PTPRD: variants seen among roughly 807,000 people sequenced by gnomAD.
The protein encoded by PTPRD is receptor-type tyrosine-protein phosphatase delta.
PTPRD carries 34 observed loss-of-function variants against 214.5 expected under a neutral mutation model. The ratio of observed to expected loss-of-function variants is 0.16; its 90% confidence interval spans 0.12 to 0.21. PTPRD has a LOEUF of 0.21. PTPRD is among the 10% of genes least tolerant of loss of function. PTPRD has a pLI of 1.00. For missense variants in PTPRD, 2,545 were observed against 2,398.7 expected (o/e 1.06, Z -1.27); for synonymous variants, 1,128 against 845.7 (o/e 1.33, Z -5.79).
At chr9:10,393,135 T>G (rs1223686873) in intron 2 of PTPRD, among the ~76,000 whole-genome samples, 3 of 151,870 alleles carry the variant, frequency 2.0e-5, no homozygotes, top group Non-Finnish European at 4.4e-5. Context: ...CACTAAAAAT[T>G]TGTCTATCTT....
chr9:10,468,677 G>A (rs1680791587), intron 2 of PTPRD, among the ~76,000 whole-genome samples: 1 of 152,008 alleles, frequency 6.6e-6, no homozygotes, highest in African/African-American at 2.4e-5. Context: ...AAGGAAGTCA[G>A]AGGGAAAGGC....
intron 23 of PTPRD, among the ~76,000 whole-genome samples, chr9:8,503,508 A>G (rs1009105929): frequency 1.3e-5 from 2 of 152,220 alleles, no homozygotes; most frequent in African/African-American, 4.8e-5. Flanking sequence ...ATAAGCCACC[A>G]AACTTTCCAC....
chr9:8,564,654 C>G (rs564250452), intron 14 of PTPRD, among the ~76,000 whole-genome samples: 1 of 152,102 alleles, frequency 6.6e-6, no homozygotes, highest in African/African-American at 2.4e-5. Context: ...GAGCCAAGAT[C>G]GTGCCACTGT....
rs553542052 is a variant in PTPRD, at chr9:10,522,453, C to T, written c.-600+89945G>A. Reference sequence around the variant, plus strand: ...TTTTATTTTTTAAGACCTCTCACCACATGGTGTAATTTCCAAAAGCTTGAA... The same window carrying T: ...TTTTATTTTTTAAGACCTCTCACCATATGGTGTAATTTCCAAAAGCTTGAA... On this transcript the variant is annotated intron_variant, in intron 2 of 45. Transcript: ENST00000381196. Among the ~76,000 whole-genome samples, 22 of 152,264 alleles carry T rather than the reference C, an allele frequency of 1.4e-4. No individual in the cohort carries two copies. In the South Asian group the frequency reaches 4.6e-3, roughly 32 times the overall value.
chr9:8,376,456 G>A, intron 38 of PTPRD, 151 bp downstream of exon 38: 2 of 1,152,914 alleles, frequency 1.7e-6, no homozygotes, highest in East Asian at 5.1e-5. Context: ...GAAGAAAAAT[G>A]GCTGAGTGAT....
At chr9:10,205,252 C>T (rs934023448) in intron 3 of PTPRD, among the ~76,000 whole-genome samples, 1 of 151,248 alleles carries the variant, frequency 6.6e-6, no homozygotes, top group Admixed American at 6.6e-5. Flanking sequence ...GCAAAAAATA[C>T]AACAAAAACT....
At chr9:8,813,926 G>A (rs1292186639) in intron 11 of PTPRD, among the ~76,000 whole-genome samples, 1 of 152,168 alleles carries the variant, frequency 6.6e-6, no homozygotes, top group Non-Finnish European at 1.5e-5. Context: ...GTCTGAGTTA[G>A]TTATTTCTCT....
At chr9:9,660,131 T>C (rs16930002) in intron 7 of PTPRD, among the ~76,000 whole-genome samples, 2,041 of 152,166 alleles carry the variant, frequency 0.013, 48 homozygotes, top group African/African-American at 0.047. Flanking sequence ...AACAGTATTT[T>C]TGCACTTCAA....
chr9:9,570,035 G>GA (rs994508901), intron 8 of PTPRD, among the ~76,000 whole-genome samples: 2 of 150,722 alleles, frequency 1.3e-5, no homozygotes, highest in African/African-American at 2.4e-5. Context: ...ATTTTTTAGG[G>GA]AAAAAAAATA....
chr9:10,492,422 G>T (rs933642610), intron 2 of PTPRD, among the ~76,000 whole-genome samples: 3 of 152,084 alleles, frequency 2.0e-5, no homozygotes, highest in Non-Finnish European at 2.9e-5. Context: ...GCATGAGATG[G>T]TATCTCATTG....
chr9:9,386,628 G>C (rs2063962104), intron 9 of PTPRD, among the ~76,000 whole-genome samples: 1 of 151,856 alleles, frequency 6.6e-6, no homozygotes, highest in South Asian at 2.1e-4. Flanking sequence ...ATTTTAAATA[G>C]CAAAATATGA....
intron 3 of PTPRD, among the ~76,000 whole-genome samples, chr9:10,056,128 C>G (rs555919980): frequency 6.6e-6 from 1 of 151,908 alleles, no homozygotes; most frequent in African/African-American, 2.4e-5. Flanking sequence ...TGAGACCAGC[C>G]TGACCAACAT....
At chr9:9,432,790 A>C (rs538892239) in intron 8 of PTPRD, among the ~76,000 whole-genome samples, 3 of 152,378 alleles carry the variant, frequency 2.0e-5, no homozygotes, top group African/African-American at 7.2e-5. Context: ...AAACATTTCA[A>C]AGAATCAATT....
chr9:8,758,480 T>C (rs1405365943), intron 11 of PTPRD, among the ~76,000 whole-genome samples: 6 of 152,148 alleles, frequency 3.9e-5, no homozygotes, highest in East Asian at 1.9e-4. Flanking sequence ...TACAGACCTA[T>C]AGATCCAAAG....
intron 2 of PTPRD, among the ~76,000 whole-genome samples, chr9:10,545,370 G>A (rs1383097407): frequency 6.6e-6 from 1 of 151,970 alleles, no homozygotes; most frequent in Non-Finnish European, 1.5e-5. Context: ...AAGCATGAGG[G>A]GTCATTTCTT....
At chr9:9,125,888 C>A (rs1221832931) in intron 10 of PTPRD, among the ~76,000 whole-genome samples, 1 of 152,192 alleles carries the variant, frequency 6.6e-6, no homozygotes, top group East Asian at 1.9e-4. Context: ...GAGGAGGTGA[C>A]CTTTGAGCTG....
At chr9:9,193,731 G>C (rs1272928232) in intron 9 of PTPRD, among the ~76,000 whole-genome samples, 2 of 152,072 alleles carry the variant, frequency 1.3e-5, no homozygotes, top group African/African-American at 2.4e-5. Context: ...ACCATGAATG[G>C]AGCTTACAGG....
At chr9:10,055,880 T>A (rs2097631718) in intron 3 of PTPRD, among the ~76,000 whole-genome samples, 1 of 150,742 alleles carries the variant, frequency 6.6e-6, no homozygotes, top group African/African-American at 2.4e-5. Flanking sequence ...TATATATATA[T>A]AAATGTATAA....
In PTPRD at chr9:9,480,278, A is replaced by G. The variant is rs186865036; in HGVS notation, c.-236-82796T>C. ...CATATGCTGACATTAAAAGAAATAC[A>G]TTTTCTCTTCTAAGTTAAGTTCGGC... On this transcript the variant is annotated intron_variant, in intron 8 of 45. Transcript: ENST00000381196. 2.2e-3 allele frequency among the ~76,000 whole-genome samples: 333 copies of G among 152,272 alleles called. 2 individuals are homozygous for G. Among genetic ancestry groups the G allele is most frequent in the Admixed American group, 7.1e-3 (108 of 15,288 alleles).
Sources: allele counts gnomAD v4.1 joint callset (sites outside exome capture counted in the v4.1 genomes callset), GRCh38; gene constraint gnomAD v4.1.1; transcripts MANE v1.5; gene names NCBI Gene and HGNC (gene_info 2026-07-23, HGNC 2026-07-21).